ZNF560: variants seen among roughly 807,000 people sequenced by gnomAD.
ZNF560 encodes the protein zinc finger protein 560.
A neutral mutation model predicts 81.8 loss-of-function variants in ZNF560; 54 were observed. That is an observed-to-expected ratio of 0.66 (90% CI 0.53 to 0.83). The LOEUF (loss-of-function observed/expected upper bound fraction) is 0.83. Ranked by LOEUF, ZNF560 falls within the 40% of genes least tolerant of loss-of-function variation. The pLI, the probability that ZNF560 is intolerant of heterozygous loss-of-function variation, is 0.00. For synonymous variants in ZNF560, 321 were observed against 317.9 expected (o/e 1.01, Z -0.10); for missense variants, 940 against 932.4 (o/e 1.01, Z -0.11).
upstream of ZNF560, among the ~76,000 whole-genome samples, chr19:9,502,850 T>A (rs1357956648): frequency 6.6e-6 from 1 of 152,180 alleles, no homozygotes; most frequent in Non-Finnish European, 1.5e-5. Flanking sequence ...CTGCCTTTTT[T>A]GTCAATCTAG....
rs748917354 is a variant in ZNF560, at chr19:9,467,746, C to T, written c.1201G>A (p.Glu401Lys). Residue 401 changes from glutamate to lysine, a missense_variant, in exon 10 of 10, where the codon GAG becomes AAG. Physicochemically the swap from Glu to Lys is moderately conservative, Grantham distance 56. Coordinates refer to ENST00000301480, the MANE Select transcript of ZNF560 (RefSeq NM_152476.3). ...FLEHVRTHTG[E>K]KPYGCKECGK... Reference sequence around the variant, plus strand: ...CATTCCTTACACCCATAGGGCTTCTCTCCAGTGTGAGTTCGTACATGTTCA... The same window carrying T: ...CATTCCTTACACCCATAGGGCTTCTTTCCAGTGTGAGTTCGTACATGTTCA... 20 of 1,614,160 alleles carry T rather than the reference C, an allele frequency of 1.2e-5. No individual in the cohort carries two copies. The highest frequency in any genetic ancestry group is 1.7e-5 in the Non-Finnish European group (20 of 1,180,032).
Position 9,466,763 on chromosome 19 carries a change from AGTAAGATCTGAATGAC to A in ZNF560, c.2168_2183del (p.Cys723LeufsTer32). 1 of 1,614,168 alleles carries A rather than the reference AGTAAGATCTGAATGAC, an allele frequency of 6.2e-7. No homozygotes were observed. The highest frequency in any genetic ancestry group is 2.2e-5 in the East Asian group (1 of 44,862). ...CTCCAGTGTGAATTCGCACATGATT[AGTAAGATCTGAATGAC>A]AAGTGAAGGCTTTCCCACAGTCCTT... On this transcript the variant is annotated frameshift_variant, in exon 10 of 10. Transcript: ENST00000301480. LOFTEE classifies it high-confidence loss of function.
intron 2 of ZNF560, among the ~76,000 whole-genome samples, chr19:9,491,020 C>T (rs1171821403): frequency 2.0e-5 from 3 of 152,142 alleles, no homozygotes; most frequent in Non-Finnish European, 4.4e-5. Flanking sequence ...ACATGATATC[C>T]CATGAACAGG....
chr19:9,450,290 CAA>C, the ZNF560 span, among the ~76,000 whole-genome samples: 1 of 146,720 alleles, frequency 6.8e-6, no homozygotes, highest in African/African-American at 2.5e-5. Flanking sequence ...GACTTTGTCT[CAA>C]AAAAAAAAAC....
At chr19:9,487,186 T>A (rs1179396620) in intron 2 of ZNF560, among the ~76,000 whole-genome samples, 5 of 152,210 alleles carry the variant, frequency 3.3e-5, no homozygotes, top group Non-Finnish European at 5.9e-5. Flanking sequence ...TCATGTGTCA[T>A]CTCGTCATTG....
chr19:9,455,101 C>A, the ZNF560 span, among the ~76,000 whole-genome samples: 1 of 152,078 alleles, frequency 6.6e-6, no homozygotes, highest in African/African-American at 2.4e-5. Context: ...ATTCAGCAAG[C>A]TAGAAGAGAG....
intron 2 of ZNF560, among the ~76,000 whole-genome samples, chr19:9,491,825 CAAAA>C (rs1337657281): frequency 6.9e-5 from 2 of 28,950 alleles, no homozygotes; most frequent in Non-Finnish European, 6.6e-5. Context: ...GACTCCGTCT[CAAAA>C]AAAAAAAAAA....
At chr19:9,473,143 T>C in intron 5 of ZNF560, 36 bp downstream of exon 5, 1 of 1,557,908 alleles carries the variant, frequency 6.4e-7, no homozygotes, top group East Asian at 2.2e-5. Flanking sequence ...ATACTGAACT[T>C]CTCACTGACC....
At chr19:9,449,996 A>AAAAAAC in the ZNF560 span, among the ~76,000 whole-genome samples, 295 of 115,548 alleles carry the variant, frequency 2.6e-3, no homozygotes, top group Non-Finnish European at 3.4e-3. Flanking sequence ...AAAAAAAAAA[A>AAAAAAC]AACAACTGAA....
chr19:9,480,111 T>C (rs1454059055), intron 2 of ZNF560, among the ~76,000 whole-genome samples: 2 of 152,192 alleles, frequency 1.3e-5, no homozygotes, highest in Non-Finnish European at 2.9e-5. Flanking sequence ...AACTACACTT[T>C]AGACCAAAAC....
At chr19:9,490,346 C>A (rs1387786041) in intron 2 of ZNF560, among the ~76,000 whole-genome samples, 3 of 152,198 alleles carry the variant, frequency 2.0e-5, no homozygotes, top group Non-Finnish European at 4.4e-5. Flanking sequence ...GTGCCAAAAA[C>A]CAAGTGGGTA....
At chr19:9,451,774 C>T in the ZNF560 span, among the ~76,000 whole-genome samples, 1 of 152,190 alleles carries the variant, frequency 6.6e-6, no homozygotes, top group South Asian at 2.1e-4. Context: ...AAACAAATCC[C>T]ATTAAAAAAT....
At chr19:9,474,826 T>A (rs1396681873) in intron 3 of ZNF560, among the ~76,000 whole-genome samples, 1 of 128,010 alleles carries the variant, frequency 7.8e-6, no homozygotes, top group East Asian at 2.1e-4. Context: ...GCCTGGCATT[T>A]TTTTTTTTTT....
chr19:9,453,234 C>T, the ZNF560 span, among the ~76,000 whole-genome samples: 19 of 152,156 alleles, frequency 1.2e-4, no homozygotes, highest in African/African-American at 3.9e-4. Context: ...GATGCCCTCA[C>T]CAAAAACCAA....
intron 2 of ZNF560, among the ~76,000 whole-genome samples, chr19:9,476,824 C>T (rs1436967392): frequency 6.6e-6 from 1 of 152,122 alleles, no homozygotes; most frequent in Admixed American, 6.5e-5. Context: ...TGAGAACAGA[C>T]TAATATGGTT....
chr19:9,457,537 T>C, the ZNF560 span, among the ~76,000 whole-genome samples: 1 of 152,224 alleles, frequency 6.6e-6, no homozygotes, highest in South Asian at 2.1e-4. Flanking sequence ...ATTCATCATA[T>C]GGATGATATT....
intron 2 of ZNF560, among the ~76,000 whole-genome samples, chr19:9,485,056 C>A (rs1237400783): frequency 6.6e-6 from 1 of 152,042 alleles, no homozygotes; most frequent in Non-Finnish European, 1.5e-5. Flanking sequence ...AGGAGAAAAT[C>A]TGAACAGACC....
chr19:9,460,065 A>G, the ZNF560 span, among the ~76,000 whole-genome samples: 2 of 152,224 alleles, frequency 1.3e-5, no homozygotes, highest in Non-Finnish European at 2.9e-5. Context: ...AACATGGGGC[A>G]GAGGTTATGC....
chr19:9,479,181 A>T (rs2073247814), intron 2 of ZNF560, among the ~76,000 whole-genome samples: 1 of 149,884 alleles, frequency 6.7e-6, no homozygotes, highest in African/African-American at 2.5e-5. Context: ...TTTTTCCAAA[A>T]TGGAAAAAAA....
Sources: gnomAD v4.1 joint callset for allele counts (sites outside exome capture counted in the v4.1 genomes callset) on GRCh38, gnomAD v4.1.1 for gene constraint, MANE v1.5 for transcripts, NCBI Gene and HGNC (gene_info 2026-07-23, HGNC 2026-07-21) for gene names.